SLC8A1: variants seen among roughly 807,000 people sequenced by gnomAD.
SLC8A1 encodes the protein sodium/calcium exchanger 1.
SLC8A1 carries 18 observed loss-of-function variants against 68.3 expected under a neutral mutation model. The observed-to-expected ratio is 0.26, with a 90% confidence interval of 0.18 to 0.39. The LOEUF is 0.39. Among genes scored for constraint, SLC8A1 ranks in the 10% least tolerant of loss-of-function variants. SLC8A1 has a pLI of 1.00. For missense variants in SLC8A1, 985 were observed against 1,156.7 expected, an observed-to-expected ratio of 0.85 and a Z score of 2.15; for synonymous variants, 475 against 415.5, an observed-to-expected ratio of 1.14 and a Z score of -1.74.
exon 8 of SLC8A1, chr2:40,103,804 C>T (rs2034039925): frequency 6.6e-6 from 1 of 152,154 alleles, no homozygotes. Flanking sequence ...GGAATTATTT[C>T]AAAATAAATG....
intron 1 of SLC8A1, among the ~76,000 whole-genome samples, chr2:40,472,711 G>A (rs1461142970): frequency 6.6e-6 from 1 of 151,998 alleles, no homozygotes. Flanking sequence ...CCCATTCTAG[G>A]TGCTGCCAAT....
chr2:40,506,249 A>G (rs925621232), intron 1 of SLC8A1, among the ~76,000 whole-genome samples: 3 of 151,912 alleles, frequency 2.0e-5, no homozygotes, highest in Admixed American at 6.6e-5. Flanking sequence ...CACCTGTTTA[A>G]TGAATATTTA....
At chr2:40,383,619 T>TA (rs1383624352) in intron 2 of SLC8A1, among the ~76,000 whole-genome samples, 1 of 152,096 alleles carries the variant, frequency 6.6e-6, no homozygotes, top group Non-Finnish European at 1.5e-5. Context: ...AAATCTTAGA[T>TA]AAAAAAATTT....
chr2:40,168,001 G>A (rs1008104462), intron 4 of SLC8A1, among the ~76,000 whole-genome samples: 3 of 152,084 alleles, frequency 2.0e-5, no homozygotes, highest in East Asian at 1.9e-4. Flanking sequence ...TTTGCTGTGT[G>A]ACTCTCCAAC....
chr2:40,112,277 T>C (rs540557429), exon 8 of SLC8A1: 1 of 152,704 alleles, frequency 6.5e-6, no homozygotes, highest in African/African-American at 2.4e-5. Context: ...TTAGAAACTT[T>C]ATTTGTCTGT....
chr2:40,266,559 C>T (rs753032361), intron 2 of SLC8A1, among the ~76,000 whole-genome samples: 6 of 152,096 alleles, frequency 3.9e-5, no homozygotes, highest in South Asian at 2.1e-4. Flanking sequence ...GAGAATGATG[C>T]GTAATGATGC....
intron 2 of SLC8A1, among the ~76,000 whole-genome samples, chr2:40,291,274 C>G (rs1363137370): frequency 1.3e-5 from 2 of 152,010 alleles, no homozygotes; most frequent in Non-Finnish European, 2.9e-5. Flanking sequence ...GAAGGCTTGT[C>G]CAAAGTGTTC....
At chr2:40,161,078 T>C (rs1475732857) in intron 5 of SLC8A1, among the ~76,000 whole-genome samples, 1 of 152,164 alleles carries the variant, frequency 6.6e-6, no homozygotes, top group Admixed American at 6.5e-5. Flanking sequence ...TTGTAGCAAA[T>C]ACAAGTCTCC....
chr2:40,316,445 A>T (rs1222281236), intron 2 of SLC8A1, among the ~76,000 whole-genome samples: 1 of 152,034 alleles, frequency 6.6e-6, no homozygotes, highest in African/African-American at 2.4e-5. Context: ...GGAACACAAA[A>T]TTTGGTTAAA....
intron 2 of SLC8A1, among the ~76,000 whole-genome samples, chr2:40,294,113 G>C (rs573395846): frequency 1.6e-4 from 24 of 152,242 alleles, no homozygotes; most frequent in African/African-American, 5.8e-4. Context: ...GCTCAAAATG[G>C]ACAAGGAGAC....
chr2:40,268,147 G>C (rs1486764562), intron 2 of SLC8A1, among the ~76,000 whole-genome samples: 1 of 152,116 alleles, frequency 6.6e-6, no homozygotes, highest in African/African-American at 2.4e-5. Context: ...ACAGTGAAGA[G>C]CCAGAATTCC....
chr2:40,099,575 A>G (rs1005196039), exon 8 of SLC8A1: 4 of 151,954 alleles, frequency 2.6e-5, no homozygotes, highest in African/African-American at 9.7e-5. Flanking sequence ...TTTGAAGGTC[A>G]TTTGTGATGG....
intron 2 of SLC8A1, among the ~76,000 whole-genome samples, chr2:40,376,228 T>G (rs1679818779): frequency 6.6e-6 from 1 of 152,096 alleles, no homozygotes; most frequent in African/African-American, 2.4e-5. Context: ...ACCTTAAGCA[T>G]CTAACAATGT....
intron 1 of SLC8A1, among the ~76,000 whole-genome samples, chr2:40,474,894 A>G (rs1442741044): frequency 6.6e-6 from 1 of 152,196 alleles, no homozygotes; most frequent in African/African-American, 2.4e-5. Context: ...ATCTAAGTCT[A>G]CATTAAAAAC....
intron 2 of SLC8A1, among the ~76,000 whole-genome samples, chr2:40,300,542 C>A (rs1008517384): frequency 6.6e-6 from 1 of 152,176 alleles, no homozygotes; most frequent in African/African-American, 2.4e-5. Context: ...TGAAACAAGA[C>A]ATGCATGGTA....
chr2:40,261,121 G>C (rs1040387879), intron 2 of SLC8A1, among the ~76,000 whole-genome samples: 2 of 152,142 alleles, frequency 1.3e-5, no homozygotes, highest in Non-Finnish European at 2.9e-5. Context: ...CTGACTATGA[G>C]AATCTTCTGT....
intron 1 of SLC8A1, among the ~76,000 whole-genome samples, chr2:40,508,042 A>C (rs1456384347): frequency 6.6e-6 from 1 of 152,144 alleles, no homozygotes; most frequent in Non-Finnish European, 1.5e-5. Flanking sequence ...TAAATTCAAC[A>C]ATAGCTTGCA....
intron 1 of SLC8A1, among the ~76,000 whole-genome samples, chr2:40,462,929 G>C (rs77212287): frequency 2.6e-5 from 4 of 151,860 alleles, no homozygotes; most frequent in African/African-American, 4.8e-5. Flanking sequence ...AAAATTATTC[G>C]TTCATTCACT....
chr2:40,467,710 T>G (rs1703775281), intron 1 of SLC8A1, among the ~76,000 whole-genome samples: 1 of 152,164 alleles, frequency 6.6e-6, no homozygotes, highest in Non-Finnish European at 1.5e-5. Flanking sequence ...TAAATCCCAA[T>G]TAATTTCCTC....
Sources: gnomAD v4.1 joint callset for allele counts (sites outside exome capture counted in the v4.1 genomes callset) on GRCh38, gnomAD v4.1.1 for gene constraint, MANE v1.5 for transcripts, NCBI Gene and HGNC (gene_info 2026-07-23, HGNC 2026-07-21) for gene names.